SORCS2: variants seen among roughly 807,000 people sequenced by gnomAD.
SORCS2 encodes the protein sortilin related VPS10 domain containing receptor 2, also known as VPS10 domain-containing receptor SorCS2.
SORCS2 carries 100 observed loss-of-function variants against 141.6 expected under a neutral mutation model. That is an observed-to-expected ratio of 0.71 (90% CI 0.60 to 0.83). The LOEUF (loss-of-function observed/expected upper bound fraction) is 0.83. Among genes scored for constraint, SORCS2 ranks in the 40% least tolerant of loss-of-function variants. The pLI is 0.00. For synonymous variants in SORCS2, 789 were observed against 676.9 expected, an observed-to-expected ratio of 1.17 and a Z score of -2.57; for missense variants, 1,646 against 1,560.2, an observed-to-expected ratio of 1.05 and a Z score of -0.93.
Position 7,372,906 on chromosome 4 carries a change from G to C in SORCS2, c.481-23382G>C, listed in dbSNP as rs1722349091. Among the ~76,000 whole-genome samples the C allele has an allele frequency of 3.3e-5, 5 of 152,132 alleles. 1 individual carries two copies. The South Asian group carries it at 1.0e-3, about 32-fold the overall frequency. On this transcript the variant is annotated intron_variant, in intron 1 of 26. Coordinates refer to ENST00000507866, the MANE Select transcript of SORCS2 (RefSeq NM_020777.3). ...CTGGCATGTCTGTTCGTGACGTCAGGAGTTCGTGCCTCTTTGGTGCAACGC... is the reference window on the plus strand; with the variant it reads ...CTGGCATGTCTGTTCGTGACGTCAGCAGTTCGTGCCTCTTTGGTGCAACGC...
At chr4:7,305,092 A>C (rs1345738309) in intron 1 of SORCS2, among the ~76,000 whole-genome samples, 13 of 146,254 alleles carry the variant, frequency 8.9e-5, no homozygotes, top group South Asian at 2.2e-4. Context: ...GAGTGCAGTG[A>C]GTGATCTCAG....
At chr4:7,245,283 C>T (rs568369998) in intron 1 of SORCS2, among the ~76,000 whole-genome samples, 4 of 152,334 alleles carry the variant, frequency 2.6e-5, no homozygotes, top group South Asian at 2.1e-4. Context: ...CCCCCCACCC[C>T]GGCTTGGCTT....
intron 2 of SORCS2, among the ~76,000 whole-genome samples, chr4:7,454,591 G>T (rs1202831534): frequency 2.3e-5 from 3 of 131,772 alleles, no homozygotes; most frequent in African/African-American, 8.8e-5. Context: ...GGGGTCAGGT[G>T]CTGTGTTGGG....
intron 2 of SORCS2, among the ~76,000 whole-genome samples, chr4:7,529,095 A>C (rs766988373): frequency 1.6e-4 from 24 of 152,158 alleles, no homozygotes; most frequent in Non-Finnish European, 2.2e-4. Context: ...CCTGTTTCCA[A>C]ATAAATCCAC....
chr4:7,540,597 G>T (rs969073433), intron 3 of SORCS2, among the ~76,000 whole-genome samples: 1 of 152,216 alleles, frequency 6.6e-6, no homozygotes, highest in Non-Finnish European at 1.5e-5. Flanking sequence ...GAGATGCTTT[G>T]GCGCTGCGCT....
intron 1 of SORCS2, among the ~76,000 whole-genome samples, chr4:7,355,275 T>C (rs1366464152): frequency 2.0e-5 from 3 of 152,062 alleles, no homozygotes; most frequent in Non-Finnish European, 4.4e-5. Context: ...CTCTGTGCCC[T>C]TCCGGGTTTA....
chr4:7,658,749 G>A (rs754567938), intron 5 of SORCS2, among the ~76,000 whole-genome samples: 10 of 152,200 alleles, frequency 6.6e-5, no homozygotes, highest in Non-Finnish European at 1.2e-4. Flanking sequence ...CTGGTCCCTG[G>A]AGAAGGTGAG....
At chr4:7,466,267 G>A (rs1729609150) in intron 2 of SORCS2, among the ~76,000 whole-genome samples, 1 of 152,180 alleles carries the variant, frequency 6.6e-6, no homozygotes, top group African/African-American at 2.4e-5. Flanking sequence ...CCAGGCTCCT[G>A]CCTCCTTGTG....
chr4:7,374,116 T>C lies in SORCS2; in HGVS notation c.481-22172T>C, dbSNP rs1215184013. On this transcript the variant is annotated intron_variant, in intron 1 of 26. Transcript: ENST00000507866. ...GCAAGGTTAGGATTGAGATTCTTTC[T>C]TTCTTTCTTTCCCTCTTTCTTTCTT... Among the ~76,000 whole-genome samples the C allele has an allele frequency of 1.7e-4, 4 of 23,506 alleles. No homozygotes were observed. The South Asian group carries it at 3.7e-3, about 22-fold the overall frequency. 15.4% of individuals were successfully genotyped at this position (23,506 alleles called of 152,430 possible). A position where few individuals can be genotyped will look rare whatever the true frequency, so the allele number is the denominator to read the frequency against.
chr4:7,629,330 C>G (rs1400450207), intron 3 of SORCS2, among the ~76,000 whole-genome samples: 1 of 152,070 alleles, frequency 6.6e-6, no homozygotes, highest in African/African-American at 2.4e-5. Context: ...CTCTCCGGAG[C>G]CAGAACATAG....
chr4:7,530,626 T>C (rs1711562132), intron 2 of SORCS2, among the ~76,000 whole-genome samples: 1 of 152,224 alleles, frequency 6.6e-6, no homozygotes, highest in Non-Finnish European at 1.5e-5. Context: ...GCAATCCCAG[T>C]ATATTTTAAT....
At chr4:7,366,934 G>A (rs1179322415) in intron 1 of SORCS2, among the ~76,000 whole-genome samples, 4 of 152,190 alleles carry the variant, frequency 2.6e-5, no homozygotes, top group East Asian at 1.9e-4. Context: ...GAGTGCCTAC[G>A]CCTGAGAGGC....
At chr4:7,681,847 C>T (rs74869101) in intron 9 of SORCS2, among the ~76,000 whole-genome samples, 1,977 of 152,334 alleles carry the variant, frequency 0.013, 16 homozygotes, top group Non-Finnish European at 0.022. Flanking sequence ...GGGCAGGTTG[C>T]ACCCCCTCTG....
At chr4:7,544,599 G>A (rs892076608) in intron 3 of SORCS2, among the ~76,000 whole-genome samples, 6 of 152,252 alleles carry the variant, frequency 3.9e-5, no homozygotes, top group Non-Finnish European at 7.3e-5. Flanking sequence ...TCCAGCCTGG[G>A]ACAGGCTCCC....
chr4:7,381,082 C>CAAA (rs397745880), intron 1 of SORCS2, among the ~76,000 whole-genome samples: 25,750 of 103,268 alleles, frequency 0.25, 3,045 homozygotes, highest in Middle Eastern at 0.4. Flanking sequence ...ACTCTGTCTC[C>CAAA]AAAAAAAAAA....
intron 3 of SORCS2, among the ~76,000 whole-genome samples, chr4:7,560,630 C>T (rs910300994): frequency 1.3e-5 from 2 of 152,066 alleles, no homozygotes; most frequent in Admixed American, 6.5e-5. Context: ...CTTTGAAGGA[C>T]AGTAAAGAAA....
chr4:7,708,723 G>C lies in SORCS2; in HGVS notation c.1869-4010G>C, dbSNP rs118036074. ...TGCATACTACGGGCTGTTTTCATAC[G>C]TGACTTCAGGCCATTCTCATAAGAA... On this transcript the variant is annotated intron_variant, in intron 14 of 26. Coordinates refer to ENST00000507866, the MANE Select transcript of SORCS2 (RefSeq NM_020777.3). 8.9e-4 allele frequency among the ~76,000 whole-genome samples: 135 copies of C among 152,320 alleles called. 1 individual carries two copies. In the East Asian group the frequency reaches 0.025, roughly 28 times the overall value.
chr4:7,215,153 G>A (rs1176510123), intron 1 of SORCS2, among the ~76,000 whole-genome samples: 1 of 152,176 alleles, frequency 6.6e-6, no homozygotes. Context: ...GGGAACCGGG[G>A]CTGTGTGCGG....
intron 3 of SORCS2, among the ~76,000 whole-genome samples, chr4:7,608,313 G>T (rs546931302): frequency 6.6e-6 from 1 of 152,280 alleles, no homozygotes; most frequent in Admixed American, 6.5e-5. Context: ...CACACCCCAG[G>T]ATCTCCGGAC....
Sources: allele counts gnomAD v4.1 joint callset (sites outside exome capture counted in the v4.1 genomes callset), GRCh38; gene constraint gnomAD v4.1.1; transcripts MANE v1.5; gene names NCBI Gene and HGNC (gene_info 2026-07-23, HGNC 2026-07-21).